CSGALNACT1: variants seen among roughly 807,000 people sequenced by gnomAD.
CSGALNACT1 encodes the protein chondroitin sulfate N-acetylgalactosaminyltransferase 1, also known as beta4GalNAcT-1.
In CSGALNACT1, 52 loss-of-function variants were observed where a neutral mutation model predicts 51.0. The ratio of observed to expected loss-of-function variants is 1.02; its 90% CI spans 0.82 to 1.29. The LOEUF is 1.29. Ranked by LOEUF, CSGALNACT1 falls within the 50% of genes most tolerant of loss-of-function variation. CSGALNACT1 has a pLI of 0.00. For missense variants in CSGALNACT1, 935 were observed against 679.2 expected, an observed-to-expected ratio of 1.38 and a Z score of -4.19; for synonymous variants, 341 against 254.4, an observed-to-expected ratio of 1.34 and a Z score of -3.24.
intron 3 of CSGALNACT1, among the ~76,000 whole-genome samples, chr8:19,537,434 G>A (rs894010881): frequency 1.5e-4 from 23 of 152,142 alleles, no homozygotes; most frequent in African/African-American, 5.6e-4. Flanking sequence ...CCTTGAAGAG[G>A]CATAAATCTC....
At chr8:19,648,441 G>C (rs972999282) in intron 1 of CSGALNACT1, among the ~76,000 whole-genome samples, 2 of 152,152 alleles carry the variant, frequency 1.3e-5, no homozygotes, top group African/African-American at 2.4e-5. Flanking sequence ...TCAATTTCTA[G>C]AAAGTTCCTT....
At chr8:19,466,783 TG>T (rs1409617164) in intron 4 of CSGALNACT1, among the ~76,000 whole-genome samples, 1 of 152,190 alleles carries the variant, frequency 6.6e-6, no homozygotes, top group Non-Finnish European at 1.5e-5. Flanking sequence ...TCTTCACATG[TG>T]GGGCCACAGA....
intron 4 of CSGALNACT1, among the ~76,000 whole-genome samples, chr8:19,466,836 A>G: frequency 6.6e-6 from 1 of 152,304 alleles, no homozygotes; most frequent in South Asian, 2.1e-4. Context: ...ACCTATGTTC[A>G]GTGGCTCTGG....
chr8:19,436,556 C>T (rs1187034584), intron 6 of CSGALNACT1, among the ~76,000 whole-genome samples: 1 of 152,092 alleles, frequency 6.6e-6, no homozygotes, highest in Non-Finnish European at 1.5e-5. Context: ...AGCTTTATCA[C>T]CTTAAAAATA....
At chr8:19,682,830 T>C, upstream of CSGALNACT1, 1 of 434,518 alleles carries the variant, frequency 2.3e-6, no homozygotes, top group Middle Eastern at 7.5e-4. Flanking sequence ...TATCCTGTTC[T>C]GCAATCAGGG....
exon 10 of CSGALNACT1, chr8:19,404,987 T>A (rs1187784775): frequency 4.4e-6 from 2 of 454,104 alleles, no homozygotes; most frequent in South Asian, 3.1e-5. Flanking sequence ...TGGCATGTCC[T>A]TGGATATGGC....
chr8:19,653,409 G>A (rs2057994568), intron 1 of CSGALNACT1, among the ~76,000 whole-genome samples: 2 of 152,054 alleles, frequency 1.3e-5, no homozygotes, highest in Non-Finnish European at 1.5e-5. Flanking sequence ...CCTTTCTCAT[G>A]GCCTGTTGTG....
intron 1 of CSGALNACT1, among the ~76,000 whole-genome samples, chr8:19,710,356 C>T (rs78160933): frequency 6.6e-6 from 1 of 152,110 alleles, no homozygotes; most frequent in African/African-American, 2.4e-5. Flanking sequence ...TTTTATAGCA[C>T]CTATGATAAA....
intron 1 of CSGALNACT1, among the ~76,000 whole-genome samples, chr8:19,634,657 T>C (rs1341398824): frequency 1.3e-5 from 2 of 152,074 alleles, no homozygotes; most frequent in South Asian, 2.1e-4. Flanking sequence ...GTGAGACCTG[T>C]CTCAATATTT....
chr8:19,469,575 A>C (rs1260895653), intron 4 of CSGALNACT1, among the ~76,000 whole-genome samples: 1 of 152,054 alleles, frequency 6.6e-6, no homozygotes, highest in Non-Finnish European at 1.5e-5. Flanking sequence ...TTCCTTGAAA[A>C]TGTCAAGTTT....
chr8:19,686,850 G>A (rs1186290162), upstream of CSGALNACT1, among the ~76,000 whole-genome samples: 2 of 152,112 alleles, frequency 1.3e-5, no homozygotes, highest in East Asian at 1.9e-4. Context: ...GAGTCATCAT[G>A]GTTGCTGGAC....
In CSGALNACT1 at chr8:19,439,851, C is replaced by T. The variant is rs143971943; in HGVS notation, c.932G>A (p.Gly311Glu). 2.5e-4 allele frequency: 397 copies of T among 1,614,030 alleles called. 4 individuals carry two copies. The South Asian group carries it at 4.0e-3, about 16-fold the overall frequency. Residue 311 changes from glycine (G) to glutamate (E), a missense_variant, in exon 6 of 10, where the codon GGA (glycine) becomes GAA (glutamate). Physicochemically the swap from Gly to Glu is moderately conservative, Grantham distance 98. Coordinates refer to ENST00000454498, the Ensembl canonical transcript of CSGALNACT1. ...TCACTTGGAAGTGTTTTCAAGTATT[C>T]CTTTGACTTCATTTATTTCTTCTTT...
At chr8:19,582,913 G>C (rs2045890103) in intron 3 of CSGALNACT1, among the ~76,000 whole-genome samples, 1 of 152,108 alleles carries the variant, frequency 6.6e-6, no homozygotes, top group South Asian at 2.1e-4. Flanking sequence ...GAGAAAGACA[G>C]CCATTTCAAC....
chr8:19,453,370 GAT>G (rs1387864857), intron 5 of CSGALNACT1, among the ~76,000 whole-genome samples: 3 of 152,136 alleles, frequency 2.0e-5, no homozygotes, highest in Non-Finnish European at 4.4e-5. Context: ...GTACAGAATA[GAT>G]ATGTCAGAAA....
rs184380753 is a variant in CSGALNACT1 at position 19,746,818 on chromosome 8, G to T, written c.-297+11032C>A. Among the ~76,000 whole-genome samples, 3 of 152,094 alleles carry T rather than the reference G, an allele frequency of 2.0e-5. No homozygotes were observed. The East Asian group carries it at 5.8e-4, about 29-fold the overall frequency. On this transcript the variant is annotated intron_variant, in intron 1 of 1. Transcript: ENST00000517494. Reference sequence around the variant, plus strand: ...TCATGTACATTAAATAAACAAACACGATCAGCTTTATTCAAAGCTTTGCCA... The same window carrying T: ...TCATGTACATTAAATAAACAAACACTATCAGCTTTATTCAAAGCTTTGCCA...
intron 1 of CSGALNACT1, among the ~76,000 whole-genome samples, chr8:19,649,737 T>G (rs889315762): frequency 1.4e-5 from 2 of 145,492 alleles, no homozygotes; most frequent in Admixed American, 7.2e-5. Context: ...TACTACAGAT[T>G]AGCCAAGACT....
chr8:19,493,022 C>A (rs781122142), intron 4 of CSGALNACT1, among the ~76,000 whole-genome samples: 2 of 147,018 alleles, frequency 1.4e-5, no homozygotes, highest in African/African-American at 2.5e-5. Flanking sequence ...GAATCGACAT[C>A]AATAAATTCG....
At chr8:19,505,985 T>G (rs781556959) in exon 4 of CSGALNACT1, 1 of 845,436 alleles carries the variant, frequency 1.2e-6, no homozygotes, top group African/African-American at 1.7e-5. Context: ...GTTCTGCCTC[T>G]TGGAGTTAAC....
intron 1 of CSGALNACT1, among the ~76,000 whole-genome samples, chr8:19,676,243 G>A (rs1446754357): frequency 6.6e-6 from 1 of 151,944 alleles, no homozygotes; most frequent in Admixed American, 6.6e-5. Context: ...ATCAACGGAT[G>A]CCAACTCCAA....
Sources: allele counts gnomAD v4.1 joint callset (sites outside exome capture counted in the v4.1 genomes callset), GRCh38; gene constraint gnomAD v4.1.1; transcripts MANE v1.5; gene names NCBI Gene and HGNC (gene_info 2026-07-23, HGNC 2026-07-21).